The following MARCHF8 variants were observed in gnomAD, a reference collection of about 807,000 sequenced individuals.
The protein encoded by MARCHF8 is E3 ubiquitin-protein ligase MARCHF8.
MARCHF8 carries 40 observed loss-of-function variants against 51.6 expected under a neutral mutation model. The ratio of observed to expected loss-of-function variants is 0.77; its 90% CI spans 0.60 to 1.01. MARCHF8 has a LOEUF of 1.01. Ranked by LOEUF, MARCHF8 falls within the 50% of genes least tolerant of loss-of-function variation. MARCHF8 has a pLI of 0.00. For missense variants in MARCHF8, 685 were observed against 708.6 expected, an observed-to-expected ratio of 0.97 and a Z score of 0.38; for synonymous variants, 263 against 280.3, an observed-to-expected ratio of 0.94 and a Z score of 0.62.
intron 1 of MARCHF8, among the ~76,000 whole-genome samples, chr10:45,584,593 G>A (rs886175348): frequency 2.0e-5 from 3 of 152,106 alleles, no homozygotes; most frequent in Non-Finnish European, 2.9e-5. Flanking sequence ...TACAGTGGTA[G>A]TCAGAAATCT....
rs566977353 is a variant in MARCHF8 at position 45,474,980 on chromosome 10, A to G, written c.154-10653T>C. Among the ~76,000 whole-genome samples the G allele has an allele frequency of 9.2e-5, 14 of 152,244 alleles. No individual in the cohort carries two copies. In the East Asian group the frequency reaches 2.7e-3, roughly 29 times the overall value. ...GGAGGGAGCTCGTGATGGGTCCCACACACCCCTGGAGTCCAAGGCAGCTAC... is the reference window on the plus strand; with the variant it reads ...GGAGGGAGCTCGTGATGGGTCCCACGCACCCCTGGAGTCCAAGGCAGCTAC... On this transcript the variant is annotated intron_variant, in intron 3 of 7. Transcript: ENST00000453424.
intron 2 of MARCHF8, among the ~76,000 whole-genome samples, chr10:45,491,409 G>A (rs940255071): frequency 2.6e-5 from 4 of 152,044 alleles, no homozygotes; most frequent in Admixed American, 2.6e-4. Flanking sequence ...ATGGTGGCAC[G>A]TGCCTATAAT....
Position 45,463,279 on chromosome 10 carries a change from T to C in MARCHF8, c.960A>G (p.Lys320=). 1 of 1,550,938 alleles carries C rather than the reference T, an allele frequency of 6.4e-7. No individual in the cohort carries two copies. The highest frequency in any genetic ancestry group is 8.7e-7 in the Non-Finnish European group (1 of 1,147,064). Residue 320 remains lysine, a synonymous_variant, in exon 5 of 8, where the codon AAA becomes AAG. Transcript: ENST00000453424. ...GCGCCCGCAGAACCCTACTCTTCAG[T>C]TTTGCAGATGTGCTGTCCTCAAAGA... ...DDVFEDSTSA[K]LKSRVLRAPL...
intron 2 of MARCHF8, among the ~76,000 whole-genome samples, chr10:45,499,293 G>A (rs961063579): frequency 5.3e-5 from 8 of 152,100 alleles, no homozygotes; most frequent in African/African-American, 1.7e-4. Context: ...CAGATTATTT[G>A]TTGCTGTTGA....
rs371911757 is a variant in MARCHF8 at position 45,464,206 on chromosome 10, C to T, written c.242+33G>A. ...ACTAATGCTTATTTCTGGCTGCACACTGATCATGGCAGCATCTGAAGCAGA... is the reference window on the plus strand; with the variant it reads ...ACTAATGCTTATTTCTGGCTGCACATTGATCATGGCAGCATCTGAAGCAGA... On this transcript the variant is annotated intron_variant, in intron 4 of 7. Transcript: ENST00000453424. 7 of 1,600,740 alleles carry T rather than the reference C, an allele frequency of 4.4e-6. No individual in the cohort carries two copies. The Admixed American group carries it at 1.0e-4, about 23-fold the overall frequency.
At chr10:45,465,789 T>C (rs1033707251) in intron 3 of MARCHF8, among the ~76,000 whole-genome samples, 2 of 152,228 alleles carry the variant, frequency 1.3e-5, no homozygotes, top group African/African-American at 4.8e-5. Context: ...ATCTTCGAAT[T>C]CACCAAAGAA....
In MARCHF8 at chr10:45,487,743, G is replaced by A. The variant is rs533090706; in HGVS notation, c.153+1624C>T. On this transcript the variant is annotated intron_variant, in intron 3 of 7. Coordinates refer to ENST00000453424, the MANE Select transcript of MARCHF8 (RefSeq NM_001282866.2). Reference sequence around the variant, plus strand: ...GCCTAAGAACAGACAAATGTCTTAAGAAGGTTTGCCAGAGTTTACTTTTAG... The same window carrying A: ...GCCTAAGAACAGACAAATGTCTTAAAAAGGTTTGCCAGAGTTTACTTTTAG... Among the ~76,000 whole-genome samples the A allele has an allele frequency of 2.6e-5, 4 of 152,278 alleles. No homozygotes were observed. The South Asian group carries it at 8.3e-4, about 32-fold the overall frequency.
intron 1 of MARCHF8, among the ~76,000 whole-genome samples, chr10:45,576,968 A>T: frequency 9.8e-6 from 1 of 101,780 alleles, no homozygotes; most frequent in Non-Finnish European, 2.1e-5. Flanking sequence ...AAACAAAAAG[A>T]GAAAAGAAAA....
At chr10:45,505,956 T>C (rs1348269626) in intron 2 of MARCHF8, among the ~76,000 whole-genome samples, 1 of 152,202 alleles carries the variant, frequency 6.6e-6, no homozygotes, top group Non-Finnish European at 1.5e-5. Context: ...ATAAACTCTT[T>C]CCGCATCTGC....
rs78074844 is a variant in MARCHF8 at position 45,476,887 on chromosome 10, A to G, written c.153+12480T>C. ...ACACCATGAAATGACCAAATATTCAAATTTTCAGTGTCTCAGAAGACAAAC... is the reference window on the plus strand; with the variant it reads ...ACACCATGAAATGACCAAATATTCAGATTTTCAGTGTCTCAGAAGACAAAC... On this transcript the variant is annotated intron_variant, in intron 3 of 7. Coordinates refer to ENST00000453424, the MANE Select transcript of MARCHF8 (RefSeq NM_001282866.2). Among the ~76,000 whole-genome samples the G allele has an allele frequency of 7.4e-4, 112 of 152,358 alleles. 2 individuals carry two copies. The East Asian group carries it at 0.021, about 28-fold the overall frequency.
At chr10:45,582,494 G>C (rs1378126796) in intron 1 of MARCHF8, among the ~76,000 whole-genome samples, 1 of 152,054 alleles carries the variant, frequency 6.6e-6, no homozygotes, top group Non-Finnish European at 1.5e-5. Flanking sequence ...GATTAAACAG[G>C]AGACCAAAAA....
At chr10:45,578,682 C>T (rs1212906895) in intron 1 of MARCHF8, among the ~76,000 whole-genome samples, 3 of 152,114 alleles carry the variant, frequency 2.0e-5, no homozygotes, top group African/African-American at 7.2e-5. Flanking sequence ...CCAACTAAAC[C>T]AACTGTTTGA....
At chr10:45,549,948 C>T (rs559085414) in intron 1 of MARCHF8, among the ~76,000 whole-genome samples, 7 of 152,262 alleles carry the variant, frequency 4.6e-5, no homozygotes, top group African/African-American at 1.7e-4. Flanking sequence ...ATTAATTACC[C>T]CATCTCAGGT....
intron 1 of MARCHF8, among the ~76,000 whole-genome samples, chr10:45,582,986 G>A (rs1456292736): frequency 6.6e-6 from 1 of 152,146 alleles, no homozygotes; most frequent in Non-Finnish European, 1.5e-5. Context: ...AGTTTAAGAT[G>A]TCCAAATCCT....
intron 3 of MARCHF8, among the ~76,000 whole-genome samples, chr10:45,475,033 C>A (rs2042761365): frequency 6.6e-6 from 1 of 152,222 alleles, no homozygotes; most frequent in South Asian, 2.1e-4. Flanking sequence ...AGAGCCCAGT[C>A]CTCAGGAGAC....
At chr10:45,537,488 A>G (rs541124176), upstream of MARCHF8, among the ~76,000 whole-genome samples, 1 of 152,132 alleles carries the variant, frequency 6.6e-6, no homozygotes, top group East Asian at 1.9e-4. Context: ...CCACATCCCT[A>G]CAAAAAACTC....
In MARCHF8 at chr10:45,513,037, A is replaced by G. The variant is rs567803036; in HGVS notation, c.102+20073T>C. Among the ~76,000 whole-genome samples, 645 of 151,322 alleles carry G rather than the reference A, an allele frequency of 4.3e-3. 4 individuals carry two copies. The highest frequency in any genetic ancestry group is 0.015 in the African/African-American group (616 of 41,084). ...GATGCTTGAAGGCAGCATGCTCGTT[A>G]AGAATCATCACCACTCCCTAATCTC... On this transcript the variant is annotated intron_variant, in intron 2 of 7. Transcript: ENST00000453424.
At chr10:45,492,180 A>G (rs2043092694) in intron 2 of MARCHF8, among the ~76,000 whole-genome samples, 2 of 152,174 alleles carry the variant, frequency 1.3e-5, no homozygotes, top group African/African-American at 4.8e-5. Flanking sequence ...ACCTGTCAAT[A>G]TTTAGGGTTG....
intron 1 of MARCHF8, among the ~76,000 whole-genome samples, chr10:45,562,803 A>T (rs1315090341): frequency 6.6e-6 from 1 of 152,244 alleles, no homozygotes; most frequent in Non-Finnish European, 1.5e-5. Flanking sequence ...AATAATTAGC[A>T]ACAGGATTTA....
Sources: allele counts gnomAD v4.1 joint callset (sites outside exome capture counted in the v4.1 genomes callset), GRCh38; gene constraint gnomAD v4.1.1; transcripts MANE v1.5; gene names NCBI Gene and HGNC (gene_info 2026-07-23, HGNC 2026-07-21).